Variants in STXBP5L observed in about 807,000 individuals in gnomAD.
STXBP5L encodes the protein syntaxin binding protein 5L.
STXBP5L carries 65 observed loss-of-function variants against 144.5 expected under a neutral mutation model. That is an observed-to-expected ratio of 0.45 (90% CI 0.37 to 0.55). The LOEUF (loss-of-function observed/expected upper bound fraction) is 0.55. STXBP5L is among the 20% of genes least tolerant of loss of function. The probability of loss-of-function intolerance (pLI) is 0.00; values close to 1 mark genes in which losing one functional copy is unlikely to be tolerated. For missense variants in STXBP5L, 1,298 were observed against 1,405.5 expected (o/e 0.92, Z 1.22); for synonymous variants, 505 against 469.6 (o/e 1.08, Z -0.97).
At chr3:121,026,048 A>C (rs913410560) in intron 3 of STXBP5L, among the ~76,000 whole-genome samples, 1 of 147,370 alleles carries the variant, frequency 6.8e-6, no homozygotes, top group Non-Finnish European at 1.5e-5. Context: ...ATATAATTAT[A>C]ATTAAATTAT....
At chr3:121,058,339 T>C (rs1028694843) in intron 5 of STXBP5L, among the ~76,000 whole-genome samples, 8 of 152,252 alleles carry the variant, frequency 5.3e-5, no homozygotes, top group Admixed American at 2.0e-4. Flanking sequence ...GAGTCCATGG[T>C]GTACATGTGC....
intron 7 of STXBP5L, among the ~76,000 whole-genome samples, chr3:121,138,281 A>G (rs1431695420): frequency 1.3e-5 from 2 of 152,122 alleles, no homozygotes; most frequent in South Asian, 2.1e-4. Context: ...ATGGAAAGCT[A>G]TCCCATATTC....
intron 3 of STXBP5L, among the ~76,000 whole-genome samples, chr3:120,980,375 GT>G (rs1464252952): frequency 6.7e-6 from 1 of 149,926 alleles, no homozygotes; most frequent in Non-Finnish European, 1.5e-5. Flanking sequence ...GGTAGTGTTT[GT>G]TTTATGAATA....
intron 5 of STXBP5L, among the ~76,000 whole-genome samples, chr3:121,102,800 C>G (rs2043498057): frequency 6.6e-6 from 1 of 152,090 alleles, no homozygotes; most frequent in South Asian, 2.1e-4. Flanking sequence ...ACAAACTATG[C>G]ATCAAACAAA....
At chr3:120,986,006 ATTTG>A (rs1321804777) in intron 3 of STXBP5L, among the ~76,000 whole-genome samples, 1 of 151,244 alleles carries the variant, frequency 6.6e-6, no homozygotes, top group Non-Finnish European at 1.5e-5. Context: ...TTATAAAGTT[ATTTG>A]TTTGAGACTT....
At chr3:121,334,448 A>G (rs1218497544) in intron 20 of STXBP5L, among the ~76,000 whole-genome samples, 2 of 152,098 alleles carry the variant, frequency 1.3e-5, no homozygotes, top group African/African-American at 4.8e-5. Context: ...ACAACAAAAA[A>G]AGAAAACTTT....
intron 3 of STXBP5L, among the ~76,000 whole-genome samples, chr3:120,971,277 T>C (rs1940215458): frequency 6.6e-6 from 1 of 152,078 alleles, no homozygotes; most frequent in African/African-American, 2.4e-5. Context: ...TTTTGTTACA[T>C]GGATATATTG....
At chr3:121,359,114 A>G (rs1003728904) in intron 20 of STXBP5L, among the ~76,000 whole-genome samples, 5 of 152,238 alleles carry the variant, frequency 3.3e-5, no homozygotes, top group Non-Finnish European at 4.4e-5. Context: ...CCTTGCCAGC[A>G]TTTGTTATTG....
In STXBP5L at chr3:121,336,648, C is replaced by T. The variant is rs143311234; in HGVS notation, c.2176+18108C>T. On this transcript the variant is annotated intron_variant, in intron 20 of 26. Transcript: ENST00000471454. ...TTGCAGAGAAAAGGGAATGCTTATACACTGTTGGTGGGAGTGTAAATTAAA... is the reference window on the plus strand; with the variant it reads ...TTGCAGAGAAAAGGGAATGCTTATATACTGTTGGTGGGAGTGTAAATTAAA... Among the ~76,000 whole-genome samples, 24 of 152,118 alleles carry T rather than the reference C, an allele frequency of 1.6e-4. No homozygotes were observed. In the East Asian group the frequency reaches 4.3e-3, roughly 27 times the overall value.
chr3:121,321,430 C>T (rs1480874138), intron 20 of STXBP5L, among the ~76,000 whole-genome samples: 1 of 152,150 alleles, frequency 6.6e-6, no homozygotes, highest in Non-Finnish European at 1.5e-5. Flanking sequence ...ATTAGAGGGT[C>T]ATTTAAAGGA....
intron 22 of STXBP5L, among the ~76,000 whole-genome samples, chr3:121,399,286 T>A (rs900644166): frequency 1.4e-4 from 21 of 152,178 alleles, no homozygotes; most frequent in Non-Finnish European, 2.4e-4. Flanking sequence ...TACTCGGGTG[T>A]CCTCCAGCTA....
intron 3 of STXBP5L, among the ~76,000 whole-genome samples, chr3:120,964,293 A>C (rs537173494): frequency 6.6e-6 from 1 of 152,078 alleles, no homozygotes; most frequent in South Asian, 2.1e-4. Context: ...CTCTGATCTT[A>C]GTTATTTCTT....
At chr3:120,952,056 C>CA (rs1256137713) in intron 2 of STXBP5L, among the ~76,000 whole-genome samples, 1 of 147,022 alleles carries the variant, frequency 6.8e-6, no homozygotes, top group African/African-American at 2.5e-5. Flanking sequence ...ATCGCAAGAA[C>CA]AAAAAACCAA....
chr3:121,104,765 A>G (rs537426323), intron 5 of STXBP5L, among the ~76,000 whole-genome samples: 15 of 152,354 alleles, frequency 9.8e-5, no homozygotes, highest in African/African-American at 2.9e-4. Context: ...TCAAAGACTT[A>G]AATCTAACAC....
intron 3 of STXBP5L, among the ~76,000 whole-genome samples, chr3:120,979,443 C>T (rs543438050): frequency 2.0e-4 from 30 of 152,282 alleles, no homozygotes; most frequent in East Asian, 1.7e-3. Flanking sequence ...TTCCAGGTGC[C>T]GTCTGTCACC....
chr3:121,086,949 T>A (rs2042527342), intron 5 of STXBP5L, among the ~76,000 whole-genome samples: 1 of 152,094 alleles, frequency 6.6e-6, no homozygotes, highest in South Asian at 2.1e-4. Flanking sequence ...TGCATGACTG[T>A]GTTTGGAAGT....
At chr3:121,082,301 T>A (rs2042285038) in intron 5 of STXBP5L, among the ~76,000 whole-genome samples, 1 of 152,208 alleles carries the variant, frequency 6.6e-6, no homozygotes, top group Admixed American at 6.5e-5. Flanking sequence ...TTCATCATTT[T>A]TTTTTGGCAT....
intron 19 of STXBP5L, among the ~76,000 whole-genome samples, chr3:121,313,838 G>T (rs1383651560): frequency 1.4e-5 from 2 of 143,458 alleles, no homozygotes; most frequent in Non-Finnish European, 3.1e-5. Flanking sequence ...TCACTTCTCA[G>T]ACGGGGCGGT....
intron 5 of STXBP5L, 26 bp downstream of exon 5, chr3:121,045,561 T>C: frequency 6.3e-7 from 1 of 1,584,752 alleles, no homozygotes; most frequent in South Asian, 1.2e-5. Flanking sequence ...TTAAACAATT[T>C]CTTAATGTAC....
Sources: gnomAD v4.1 joint callset for allele counts (sites outside exome capture counted in the v4.1 genomes callset) on GRCh38, gnomAD v4.1.1 for gene constraint, MANE v1.5 for transcripts, NCBI Gene and HGNC (gene_info 2026-07-23, HGNC 2026-07-21) for gene names.